The following ZNF649 variants were observed in gnomAD, a reference collection of about 807,000 sequenced individuals.
The protein encoded by ZNF649 is zinc finger protein 649.
Under a neutral mutation model 14.1 loss-of-function variants are expected in ZNF649, and 7 were observed. The observed-to-expected ratio is 0.49, with a 90% CI of 0.28 to 0.93. The LOEUF (loss-of-function observed/expected upper bound fraction) is 0.93, where lower values mean the gene tolerates loss of function less well. Among genes scored for constraint, ZNF649 ranks in the 40% least tolerant of loss-of-function variants. ZNF649 has a pLI of 0.10. For synonymous variants in ZNF649, 227 were observed against 212.3 expected, an observed-to-expected ratio of 1.07 and a Z score of -0.60; for missense variants, 544 against 608.1, an observed-to-expected ratio of 0.89 and a Z score of 1.11.
At chr19:51,893,103 A>C (rs1241022392) in intron 4 of ZNF649, among the ~76,000 whole-genome samples, 1 of 152,168 alleles carries the variant, frequency 6.6e-6, no homozygotes, top group Non-Finnish European at 1.5e-5. Context: ...TGATCTCAAT[A>C]TCCTTCTCCT....
At position 51,891,456 on chromosome 19, in the gene ZNF649, GCT is replaced by G. The variant is rs149943001; in HGVS notation, c.678_679del (p.Arg226SerfsTer11). 6.2e-7 allele frequency: 1 copy of G among 1,613,810 alleles called. No individual in the cohort carries two copies. The highest frequency in any genetic ancestry group is 8.5e-7 in the Non-Finnish European group (1 of 1,179,818). ...CCCGTGGGGTTTCTCTCCTCTGTGAGCTCTCTCGTGTTCAGTGAGCCTGTACT... is the reference window on the plus strand; with the variant it reads ...CCCGTGGGGTTTCTCTCCTCTGTGAGCTCTCGTGTTCAGTGAGCCTGTACT... On this transcript the variant is annotated frameshift_variant, in exon 5 of 5. Coordinates refer to ENST00000354957, the MANE Select transcript of ZNF649 (RefSeq NM_023074.4). LOFTEE classifies it low-confidence loss of function (END_TRUNC). This position sits in a 1 kb window ranked among gnomAD's most constrained non-coding sequence, Gnocchi z 4.2.
At chr19:51,902,910 C>T (rs1035895295) in intron 1 of ZNF649, among the ~76,000 whole-genome samples, 2 of 152,068 alleles carry the variant, frequency 1.3e-5, no homozygotes, top group Non-Finnish European at 1.5e-5. Context: ...TCTTTTGTTT[C>T]CCAAGGCGAC....
intron 2 of ZNF649, among the ~76,000 whole-genome samples, chr19:51,897,648 G>A (rs112403306): frequency 1.6e-4 from 25 of 152,106 alleles, no homozygotes; most frequent in African/African-American, 3.9e-4. Context: ...TGTATACAAC[G>A]CATGTATACA....
At position 51,891,147 on chromosome 19, in the gene ZNF649, T is replaced by G. The variant is rs752945429; in HGVS notation, c.989A>C (p.Lys330Thr). 2.5e-6 allele frequency: 4 copies of G among 1,614,226 alleles called. No individual in the cohort carries two copies. The highest frequency in any genetic ancestry group is 3.4e-6 in the Non-Finnish European group (4 of 1,180,034). ...CSECGKGFIQ[K>T]GNLNIHQRTH... Reference sequence around the variant, plus strand: ...TCGTTGATGTATGTTGAGATTGCCCTTCTGAATGAAGCCTTTTCCACATTC... The same window carrying G: ...TCGTTGATGTATGTTGAGATTGCCCGTCTGAATGAAGCCTTTTCCACATTC... The change falls in exon 5 of 5, where the codon AAG becomes ACG. Residue 330 changes from lysine to threonine, a missense_variant. Transcript: ENST00000354957. The surrounding 1 kb of genome is among the most constrained non-coding windows in gnomAD (Gnocchi z 4.2).
chr19:51,895,171 T>C (rs2085052775), intron 4 of ZNF649, among the ~76,000 whole-genome samples: 1 of 152,112 alleles, frequency 6.6e-6, no homozygotes, highest in Non-Finnish European at 1.5e-5. Context: ...TTGTGTGTGA[T>C]TGGGATGCAA....
At position 51,897,046 on chromosome 19, in the gene ZNF649, G is replaced by A. The variant is rs181852662; in HGVS notation, c.16-68C>T. On this transcript the variant is annotated intron_variant, in intron 2 of 4. Coordinates refer to ENST00000354957, the MANE Select transcript of ZNF649 (RefSeq NM_023074.4). ...ACATGGAAGAAATATGAAGTTGTTC[G>A]GCCCATTTTCACCACATAAGCTGCA... The A allele has an allele frequency of 1.4e-5, 23 of 1,601,982 alleles. No homozygotes were observed. In the East Asian group the frequency reaches 2.2e-4, roughly 16 times the overall value.
Position 51,891,293 on chromosome 19 carries a change from TTGA to T in ZNF649, c.840_842del (p.His280del). On this transcript the variant is annotated inframe_deletion, in exon 5 of 5. Coordinates refer to ENST00000354957, the MANE Select transcript of ZNF649 (RefSeq NM_023074.4). This position sits in a 1 kb window ranked among gnomAD's most constrained non-coding sequence, Gnocchi z 4.2. The stretch of plus-strand genomic sequence containing the variant: ...GGGGCTTAATTCCCGTGTGAATCCT[TTGA>T]TGTTCAGTAAGCTCAGATTTCCTGG... The T allele has an allele frequency of 6.2e-7, 1 of 1,614,040 alleles. No individual in the cohort carries two copies. Among genetic ancestry groups the T allele is most frequent in the East Asian group, 2.2e-5 (1 of 44,848 alleles).
At chr19:51,897,891 G>C (rs1397261177) in intron 2 of ZNF649, among the ~76,000 whole-genome samples, 1 of 152,070 alleles carries the variant, frequency 6.6e-6, no homozygotes, top group Non-Finnish European at 1.5e-5. Context: ...GGAGGCAAAG[G>C]TGGGCGGATC....
chr19:51,891,489 T>C lies in ZNF649; in HGVS notation c.647A>G (p.Tyr216Cys), dbSNP rs1312323404. 2 of 1,614,156 alleles carry C rather than the reference T, an allele frequency of 1.2e-6. No homozygotes were observed. Among genetic ancestry groups the C allele is most frequent in the South Asian group, 2.2e-5 (2 of 91,076 alleles). Residue 216 changes from tyrosine (Y) to cysteine (C), a missense_variant, in exon 5 of 5, where the codon TAC (tyrosine) becomes TGC (cysteine). Physicochemically the swap from Tyr to Cys is radical, Grantham distance 194 (BLOSUM62 -2). Coordinates refer to ENST00000354957, the MANE Select transcript of ZNF649 (RefSeq NM_023074.4). This position sits in a 1 kb window ranked among gnomAD's most constrained non-coding sequence, Gnocchi z 4.2. ...GTGTTCAGTGAGCCTGTACTTCTTGTAGAAGGCTTTCCCACACAAGCTACA... is the reference window on the plus strand; with the variant it reads ...GTGTTCAGTGAGCCTGTACTTCTTGCAGAAGGCTTTCCCACACAAGCTACA... Reference protein sequence around the residue: ...HVCSLCGKAFYKKYRLTEHER... With the variant: ...HVCSLCGKAFCKKYRLTEHER...
intron 3 of ZNF649, 87 bp downstream of exon 3, chr19:51,896,764 CA>C: frequency 6.2e-7 from 1 of 1,612,942 alleles, no homozygotes; most frequent in Non-Finnish European, 8.5e-7. Flanking sequence ...TTTGGGAGCA[CA>C]GCAGACATAC....
rs2085017630 is a variant in ZNF649, at chr19:51,890,942, T to A, written c.1194A>T (p.Gly398=). The A allele has an allele frequency of 6.2e-7, 1 of 1,614,044 alleles. No homozygotes were observed. Among genetic ancestry groups the A allele is most frequent in the Non-Finnish European group, 8.5e-7 (1 of 1,179,924 alleles). The change falls in exon 5 of 5, where the codon GGA becomes GGT. Residue 398 remains glycine, a synonymous_variant. Coordinates refer to ENST00000354957, the MANE Select transcript of ZNF649 (RefSeq NM_023074.4). The part of the protein sequence containing the change: ...GLIRHQKIHS[G]EKPYKCSDCG... ...AGTCACTGCATTTATAGGGTTTCTC[T>A]CCTGAGTGAATTTTCTGATGTCTAA...
At chr19:51,897,126 T>C in intron 2 of ZNF649, 148 bp from the exon 3 acceptor site, 1 of 1,107,388 alleles carries the variant, frequency 9.0e-7, no homozygotes, top group South Asian at 1.5e-5. Flanking sequence ...ATGCCCCACA[T>C]ATACCGAAAT....
chr19:51,889,529 AAAC>A lies in ZNF649; in HGVS notation c.*1086_*1088del, dbSNP rs2085001707. ...ACATGGCAAAGAGCAGAGAAAGAGAAAACAAACTCTCTTCTGTGTTGTCTCATA... is the reference window on the plus strand; with the variant it reads ...ACATGGCAAAGAGCAGAGAAAGAGAAAAACTCTCTTCTGTGTTGTCTCATA... On this transcript the variant is annotated 3_prime_UTR_variant, in exon 5 of 5. Coordinates refer to ENST00000354957, the MANE Select transcript of ZNF649 (RefSeq NM_023074.4). The A allele has an allele frequency of 6.6e-6, 1 of 152,238 alleles. No homozygotes were observed. Among genetic ancestry groups the A allele is most frequent in the African/African-American group, 2.4e-5 (1 of 41,454 alleles). The allele number at this position is 152,238 out of a possible 1,614,324, so 9.4% of individuals were successfully genotyped here. A position where few individuals can be genotyped will look rare whatever the true frequency, so the allele number is the denominator to read the frequency against.
At chr19:51,904,340 GCT>G in intron 1 of ZNF649, 1 of 152,178 alleles carries the variant, frequency 6.6e-6, no homozygotes, top group Admixed American at 6.5e-5. Context: ...TGCATGAATT[GCT>G]CTTTCTCCAT....
At chr19:51,899,987 G>A (rs1026717422) in intron 2 of ZNF649, 106 bp downstream of exon 2, 1 of 998,104 alleles carries the variant, frequency 1.0e-6, no homozygotes, top group African/African-American at 1.6e-5. Context: ...TCTCCCCAGA[G>A]CTCATTTTTT....
At position 51,891,058 on chromosome 19, in the gene ZNF649, A is replaced by G. The variant is rs1278691759; in HGVS notation, c.1078T>C (p.Cys360Arg). ...DCGKAFSQKS[C>R]LVAHQRYHTG... Reference sequence around the variant, plus strand: ...TGATATCTCTGATGTGCTACAAGGCAAGACTTCTGGCTGAAGGCCTTGCCA... The same window carrying G: ...TGATATCTCTGATGTGCTACAAGGCGAGACTTCTGGCTGAAGGCCTTGCCA... Residue 360 changes from cysteine to arginine, a missense_variant, in exon 5 of 5, where the codon TGC (cysteine) becomes CGC (arginine). Transcript: ENST00000354957. The surrounding 1 kb of genome is among the most constrained non-coding windows in gnomAD (Gnocchi z 4.2). The G allele has an allele frequency of 1.2e-6, 2 of 1,614,250 alleles. No individual in the cohort carries two copies. Among genetic ancestry groups the G allele is most frequent in the African/African-American group, 2.7e-5 (2 of 75,062 alleles).
chr19:51,891,579 G>A lies in ZNF649; in HGVS notation c.557C>T (p.Ala186Val). The change falls in exon 5 of 5, where the codon GCT (alanine) becomes GTT (valine). Residue 186 changes from alanine (A) to valine (V), a missense_variant. Transcript: ENST00000354957. This position sits in a 1 kb window ranked among gnomAD's most constrained non-coding sequence, Gnocchi z 4.2. ...AGTGAGCTGAGACTTCTTGAGGAAA[G>A]CTTTCCCACAGTCAGTGCATTCATG... is the stretch of plus-strand genomic sequence containing the variant. ...KAHECTDCGK[A>V]FLKKSQLTEH... 6.2e-7 allele frequency: 1 copy of A among 1,614,256 alleles called. No individual in the cohort carries two copies. The highest frequency in any genetic ancestry group is 8.5e-7 in the Non-Finnish European group (1 of 1,180,040).
intron 2 of ZNF649, 35 bp downstream of exon 2, chr19:51,900,058 G>C: frequency 6.8e-7 from 1 of 1,461,634 alleles, no homozygotes; most frequent in Non-Finnish European, 9.1e-7. Flanking sequence ...ATCCATCAGG[G>C]AATCGAGTTA....
chr19:51,894,953 T>G (rs577523389), intron 4 of ZNF649, among the ~76,000 whole-genome samples: 1 of 152,168 alleles, frequency 6.6e-6, no homozygotes, highest in African/African-American at 2.4e-5. Context: ...TTAATAAAGA[T>G]CTAGCCTTTA....
Sources: gnomAD v4.1 joint callset for allele counts (sites outside exome capture counted in the v4.1 genomes callset) on GRCh38, gnomAD v4.1.1 for gene constraint, Gnocchi (gnomAD v3.1) non-coding constraint, MANE v1.5 for transcripts, NCBI Gene and HGNC (gene_info 2026-07-23, HGNC 2026-07-21) for gene names.